The following DLGAP3 variants were observed in gnomAD, a reference collection of about 807,000 sequenced individuals.
DLGAP3 encodes DLG associated protein 3, also known as disks large-associated protein 3.
Under a neutral mutation model 81.2 loss-of-function variants are expected in DLGAP3, and 17 were observed. The observed-to-expected ratio is 0.21, with a 90% CI of 0.14 to 0.31. The LOEUF (loss-of-function observed/expected upper bound fraction) is 0.31. DLGAP3 is among the 10% of genes least tolerant of loss of function. The pLI, the probability that DLGAP3 is intolerant of heterozygous loss-of-function variation, is 1.00. For synonymous variants in DLGAP3, 577 were observed against 587.4 expected (o/e 0.98, Z 0.26); for missense variants, 1,124 against 1,388.0 (o/e 0.81, Z 3.02).
chr1:34,921,524 T>G (rs1342601856), intron 1 of DLGAP3, among the ~76,000 whole-genome samples: 1 of 152,160 alleles, frequency 6.6e-6, no homozygotes, highest in African/African-American at 2.4e-5. Flanking sequence ...GTGTCTACCC[T>G]CCTTAACACT....
rs1639511166 is a variant in DLGAP3, at chr1:34,904,499, G to A, written c.885C>T (p.Ser295=). 1.9e-6 allele frequency: 3 copies of A among 1,614,104 alleles called. No homozygotes were observed. Among genetic ancestry groups the A allele is most frequent in the South Asian group, 2.2e-5 (2 of 91,096 alleles). The change falls in exon 3 of 12, where the codon TCC becomes TCT. Residue 295 remains serine, a synonymous_variant. Coordinates refer to ENST00000373347, the MANE Select transcript of DLGAP3 (RefSeq NM_001080418.3). This position sits in a 1 kb window ranked among gnomAD's most constrained non-coding sequence, Gnocchi z 8.1. ...GCCCCTTGAAGCTCAAGTCCCGGTA[G>A]GACCCATCTGGACCCTCCAGGCAGA... ...GPFCLEGPDG[S]YRDLSFKGRS...
At position 34,904,831 on chromosome 1, in the gene DLGAP3, G is replaced by A; in HGVS notation, c.553C>T (p.His185Tyr). Reference sequence around the variant, plus strand: ...CGCTTCCCCGGCGCCTCCAGAGAGTGGGACTTGGCAAAGAGCTTCTGCACA... The same window carrying A: ...CGCTTCCCCGGCGCCTCCAGAGAGTAGGACTTGGCAAAGAGCTTCTGCACA... ...HSVQKLFAKSHSLEAPGKRDY... is the reference protein window; with the variant it reads ...HSVQKLFAKSYSLEAPGKRDY... The change falls in exon 3 of 12, where the codon CAC becomes TAC. Residue 185 changes from histidine to tyrosine, a missense_variant. By Grantham distance (83) the His-to-Tyr change is moderately conservative (BLOSUM62 2). Around this residue, in one of 9 missense-constraint regions of DLGAP3, gnomAD observed 65 missense variants for 78.2 expected, o/e 0.83. Coordinates refer to ENST00000373347, the MANE Select transcript of DLGAP3 (RefSeq NM_001080418.3). The surrounding 1 kb of genome is among the most constrained non-coding windows in gnomAD (Gnocchi z 8.1). The A allele has an allele frequency of 6.2e-7, 1 of 1,610,190 alleles. No individual in the cohort carries two copies. Among genetic ancestry groups the A allele is most frequent in the Non-Finnish European group, 8.5e-7 (1 of 1,180,012 alleles).
At chr1:34,882,881 T>C (rs530419430) in intron 8 of DLGAP3, among the ~76,000 whole-genome samples, 53 of 152,162 alleles carry the variant, frequency 3.5e-4, no homozygotes, top group Non-Finnish European at 6.0e-4. Flanking sequence ...ACCAGCCACA[T>C]GGACCTTCTT....
rs1187251837 is a variant in DLGAP3 at position 34,865,941 on chromosome 1, T to A, written c.*142A>T. ...CAGGAAGGTAAAAAACCCACGAGAG[T>A]GTGACGGGCCCGGGGGCCGGGGCGT... On this transcript the variant is annotated 3_prime_UTR_variant, in exon 12 of 12. Coordinates refer to ENST00000373347, the MANE Select transcript of DLGAP3 (RefSeq NM_001080418.3). The A allele has an allele frequency of 1.3e-6, 1 of 754,826 alleles. No individual in the cohort carries two copies. The highest frequency in any genetic ancestry group is 1.6e-5 in the South Asian group (1 of 63,336). The allele number at this position is 754,826 out of a possible 1,614,324, so 46.8% of individuals were successfully genotyped here. A position where few individuals can be genotyped will look rare whatever the true frequency, so the allele number is the denominator to read the frequency against.
Position 34,904,848 on chromosome 1 carries a change from T to C in DLGAP3, c.536A>G (p.Lys179Arg). 1 of 1,610,144 alleles carries C rather than the reference T, an allele frequency of 6.2e-7. No homozygotes were observed. The highest frequency in any genetic ancestry group is 8.5e-7 in the Non-Finnish European group (1 of 1,179,994). Reference sequence around the variant, plus strand: ...CAGAGAGTGGGACTTGGCAAAGAGCTTCTGCACAGAATGAACCAGGTGCCG... The same window carrying C: ...CAGAGAGTGGGACTTGGCAAAGAGCCTCTGCACAGAATGAACCAGGTGCCG... ...RIRHLVHSVQKLFAKSHSLEA... is the reference protein window; with the variant it reads ...RIRHLVHSVQRLFAKSHSLEA... Residue 179 changes from lysine to arginine, a missense_variant, in exon 3 of 12, where the codon AAG (lysine) becomes AGG (arginine). This residue lies in a region of DLGAP3 where 65 missense variants were observed against 78.2 expected (regional missense o/e 0.83). Coordinates refer to ENST00000373347, the MANE Select transcript of DLGAP3 (RefSeq NM_001080418.3). This position sits in a 1 kb window ranked among gnomAD's most constrained non-coding sequence, Gnocchi z 8.1.
chr1:34,907,917 T>A (rs1639582948), intron 1 of DLGAP3, among the ~76,000 whole-genome samples: 2 of 152,226 alleles, frequency 1.3e-5, no homozygotes, highest in Non-Finnish European at 2.9e-5. Flanking sequence ...TCCCTCCTCC[T>A]AGAATTTCCT....
intron 2 of DLGAP3, among the ~76,000 whole-genome samples, chr1:34,906,734 C>T (rs1286574364): frequency 6.6e-6 from 1 of 152,164 alleles, no homozygotes; most frequent in African/African-American, 2.4e-5. Context: ...TTCCTCCTCC[C>T]AGGAACAGAG....
At position 34,900,387 on chromosome 1, in the gene DLGAP3, C is replaced by A; in HGVS notation, c.1108-114G>T. 9.3e-7 allele frequency: 1 copy of A among 1,072,600 alleles called. No individual in the cohort carries two copies. Among genetic ancestry groups the A allele is most frequent in the Non-Finnish European group, 1.4e-6 (1 of 705,612 alleles). 66.4% of individuals were successfully genotyped at this position (1,072,600 alleles called of 1,614,324 possible). ...CTGCCCTGGCTTGAACAGGCACACTCAGGTACATGCAGAGGCAGAAGGGGA... is the reference window on the plus strand; with the variant it reads ...CTGCCCTGGCTTGAACAGGCACACTAAGGTACATGCAGAGGCAGAAGGGGA... On this transcript the variant is annotated intron_variant, in intron 3 of 11. Transcript: ENST00000373347. The surrounding 1 kb of genome is among the most constrained non-coding windows in gnomAD (Gnocchi z 5.6).
intron 8 of DLGAP3, among the ~76,000 whole-genome samples, chr1:34,878,188 A>G (rs1418432940): frequency 6.6e-6 from 1 of 152,048 alleles, no homozygotes; most frequent in East Asian, 1.9e-4. Flanking sequence ...ATGCCTGTAA[A>G]CCCAGCTACC....
At chr1:34,920,060 C>G (rs986958565) in intron 1 of DLGAP3, among the ~76,000 whole-genome samples, 6 of 152,164 alleles carry the variant, frequency 3.9e-5, no homozygotes, top group African/African-American at 1.2e-4. Context: ...CCCACCCCCA[C>G]CACATCTGGC....
At chr1:34,875,805 A>G (rs1480453151) in intron 8 of DLGAP3, among the ~76,000 whole-genome samples, 1 of 152,250 alleles carries the variant, frequency 6.6e-6, no homozygotes, top group Non-Finnish European at 1.5e-5. Flanking sequence ...AGGCCTTAGC[A>G]TATGCTATTC....
At chr1:34,926,536 C>T (rs1184445008) in intron 1 of DLGAP3, among the ~76,000 whole-genome samples, 1 of 152,142 alleles carries the variant, frequency 6.6e-6, no homozygotes, top group East Asian at 1.9e-4. Context: ...CACTGAGTGA[C>T]AAAGCTTTGA....
chr1:34,916,991 C>A lies in DLGAP3; in HGVS notation c.-134-9554G>T, dbSNP rs187488760. On this transcript the variant is annotated intron_variant, in intron 1 of 11. Coordinates refer to ENST00000373347, the MANE Select transcript of DLGAP3 (RefSeq NM_001080418.3). ...GGACTTACAGGCGTGAGCCACCGTG[C>A]CTGGCCTCAGAGCACCTTTAAAGTA... Among the ~76,000 whole-genome samples the A allele has an allele frequency of 2.6e-5, 4 of 152,226 alleles. No homozygotes were observed. The East Asian group carries it at 5.8e-4, about 22-fold the overall frequency.
intron 5 of DLGAP3, among the ~76,000 whole-genome samples, chr1:34,886,736 A>G (rs1461623488): frequency 6.6e-6 from 1 of 151,882 alleles, no homozygotes; most frequent in Non-Finnish European, 1.5e-5. Context: ...TTTATAATCC[A>G]TTACATTACA....
At chr1:34,914,360 T>C (rs1041195815) in intron 1 of DLGAP3, among the ~76,000 whole-genome samples, 2 of 152,218 alleles carry the variant, frequency 1.3e-5, no homozygotes, top group African/African-American at 4.8e-5. Context: ...TGCCTTATCA[T>C]TTCCACTTTT....
At chr1:34,916,521 G>T (rs1639718221) in intron 1 of DLGAP3, among the ~76,000 whole-genome samples, 1 of 152,178 alleles carries the variant, frequency 6.6e-6, no homozygotes. Flanking sequence ...TTTTACAGGT[G>T]AGGAAACTGA....
At chr1:34,912,626 C>T (rs1230699801) in intron 1 of DLGAP3, among the ~76,000 whole-genome samples, 2 of 152,182 alleles carry the variant, frequency 1.3e-5, no homozygotes, top group African/African-American at 4.8e-5. Context: ...GCAAGTGAGG[C>T]CTAGAATTCA....
chr1:34,901,114 C>G (rs1422356014), intron 3 of DLGAP3, among the ~76,000 whole-genome samples: 2 of 151,976 alleles, frequency 1.3e-5, no homozygotes, highest in Non-Finnish European at 2.9e-5. Context: ...AACTGTTGAG[C>G]AGGTGGTTGG....
intron 8 of DLGAP3, among the ~76,000 whole-genome samples, chr1:34,876,586 G>A (rs1283602893): frequency 6.6e-6 from 1 of 152,192 alleles, no homozygotes; most frequent in African/African-American, 2.4e-5. Flanking sequence ...ATAAGGGACA[G>A]AAAGGACTGT....
Sources: allele counts gnomAD v4.1 joint callset (sites outside exome capture counted in the v4.1 genomes callset), GRCh38; gene constraint gnomAD v4.1.1; regional missense constraint gnomAD v4.1.1; non-coding constraint Gnocchi (gnomAD v3.1); transcripts MANE v1.5; gene names NCBI Gene and HGNC (gene_info 2026-07-23, HGNC 2026-07-21).